The following LSAMP variants were observed in gnomAD, a reference collection of about 807,000 sequenced individuals.
The protein encoded by LSAMP is limbic system-associated membrane protein.
Under a neutral mutation model 38.6 loss-of-function variants are expected in LSAMP, and 7 were observed. The ratio of observed to expected loss-of-function variants is 0.18; its 90% CI spans 0.10 to 0.34. The LOEUF is 0.34. Among genes scored for constraint, LSAMP ranks in the 10% least tolerant of loss-of-function variants. The pLI is 1.00. For synonymous variants in LSAMP, 154 were observed against 166.8 expected (o/e 0.92, Z 0.59); for missense variants, 313 against 420.0 (o/e 0.75, Z 2.23).
chr3:116,202,146 T>C (rs1464624988), intron 1 of LSAMP, among the ~76,000 whole-genome samples: 1 of 151,886 alleles, frequency 6.6e-6, no homozygotes, highest in South Asian at 2.1e-4. Context: ...TTCTTTTCTT[T>C]TTTTTTTTAG....
At chr3:115,849,061 G>C (rs1188984426) in intron 4 of LSAMP, among the ~76,000 whole-genome samples, 1 of 152,178 alleles carries the variant, frequency 6.6e-6, no homozygotes, top group Non-Finnish European at 1.5e-5. Flanking sequence ...TGCAATGAAA[G>C]AACAGAGTGT....
At chr3:115,879,077 C>G (rs1559864048) in intron 3 of LSAMP, among the ~76,000 whole-genome samples, 1 of 152,198 alleles carries the variant, frequency 6.6e-6, no homozygotes, top group East Asian at 1.9e-4. Context: ...CACTCTCATG[C>G]CTTTGGGGCT....
At chr3:116,047,392 AAAAC>A (rs1208421909) in intron 2 of LSAMP, among the ~76,000 whole-genome samples, 40 of 145,902 alleles carry the variant, frequency 2.7e-4, no homozygotes, top group East Asian at 1.2e-3. Flanking sequence ...AAAAAAAAAC[AAAAC>A]AAACAAAAAA....
intron 2 of LSAMP, among the ~76,000 whole-genome samples, chr3:116,072,929 G>T (rs1346793313): frequency 4.6e-5 from 7 of 151,986 alleles, no homozygotes; most frequent in African/African-American, 1.7e-4. Context: ...ATTTGTCAAT[G>T]CTTGCTCTTG....
At chr3:116,012,866 T>G (rs1940370764) in intron 3 of LSAMP, among the ~76,000 whole-genome samples, 1 of 152,222 alleles carries the variant, frequency 6.6e-6, no homozygotes, top group South Asian at 2.1e-4. Context: ...TACGTATTAT[T>G]TTAATTTTCA....
intron 3 of LSAMP, among the ~76,000 whole-genome samples, chr3:115,937,264 G>C (rs1193335705): frequency 6.6e-6 from 1 of 152,046 alleles, no homozygotes; most frequent in Admixed American, 6.6e-5. Flanking sequence ...AGAATTTCAG[G>C]CACAATGAAT....
chr3:116,194,391 T>TTGTC (rs1400683745), intron 1 of LSAMP, among the ~76,000 whole-genome samples: 1 of 151,872 alleles, frequency 6.6e-6, no homozygotes, highest in Non-Finnish European at 1.5e-5. Flanking sequence ...GTTTGTTTGT[T>TTGTC]TGTTTGTTTG....
Position 116,065,836 on chromosome 3 carries a change from C to T in LSAMP, c.388+20488G>A, listed in dbSNP as rs558956421. ...AAAATAACTTGTGGAATCCAACAGA[C>T]CTGAGCTCAAATCATGACACTGGCA... On this transcript the variant is annotated intron_variant, in intron 2 of 6. Transcript: ENST00000490035. 5.4e-4 allele frequency among the ~76,000 whole-genome samples: 82 copies of T among 152,284 alleles called. 1 individual carries two copies. The South Asian group carries it at 0.016, about 29-fold the overall frequency.
chr3:116,190,558 T>A (rs1188716454), intron 1 of LSAMP, among the ~76,000 whole-genome samples: 2 of 152,204 alleles, frequency 1.3e-5, no homozygotes, highest in Non-Finnish European at 2.9e-5. Context: ...GCCTATTCAC[T>A]TTTTTACAAC....
intron 1 of LSAMP, among the ~76,000 whole-genome samples, chr3:116,269,869 A>G (rs1245282171): frequency 6.6e-6 from 1 of 152,152 alleles, no homozygotes; most frequent in East Asian, 1.9e-4. Flanking sequence ...CTGCCCAAAC[A>G]TTGTATAAGC....
chr3:116,043,099 A>C (rs1369513393), intron 2 of LSAMP, among the ~76,000 whole-genome samples: 1 of 152,316 alleles, frequency 6.6e-6, no homozygotes, highest in East Asian at 1.9e-4. Flanking sequence ...GGAAACGAGT[A>C]GTATTCACTC....
chr3:115,815,882 C>T (rs971594784), intron 6 of LSAMP, among the ~76,000 whole-genome samples: 1 of 152,124 alleles, frequency 6.6e-6, no homozygotes, highest in Non-Finnish European at 1.5e-5. Context: ...GCCATAAATA[C>T]GGTGCTGGCC....
chr3:116,314,525 C>T (rs1185711570), intron 1 of LSAMP, among the ~76,000 whole-genome samples: 1 of 152,168 alleles, frequency 6.6e-6, no homozygotes, highest in Non-Finnish European at 1.5e-5. Context: ...TAGCATCCCC[C>T]ATCCTGTAAA....
intron 1 of LSAMP, among the ~76,000 whole-genome samples, chr3:116,374,870 C>T (rs1173408337): frequency 2.0e-5 from 3 of 151,852 alleles, no homozygotes; most frequent in African/African-American, 7.2e-5. Context: ...TTGCTACCAA[C>T]AGAGATTCTG....
chr3:116,097,092 T>C (rs1385515358), intron 1 of LSAMP, among the ~76,000 whole-genome samples: 3 of 152,234 alleles, frequency 2.0e-5, no homozygotes, highest in Non-Finnish European at 2.9e-5. Context: ...CTTGGAATTC[T>C]GGCTCAGATT....
chr3:116,173,787 T>TC (rs1710267212), intron 1 of LSAMP, among the ~76,000 whole-genome samples: 1 of 11,738 alleles, frequency 8.5e-5, no homozygotes, highest in African/African-American at 2.8e-4. Context: ...AACATTTTTT[T>TC]TTTTTTTTTT....
intron 3 of LSAMP, among the ~76,000 whole-genome samples, chr3:115,967,520 A>G (rs1938858085): frequency 6.6e-6 from 1 of 152,094 alleles, no homozygotes; most frequent in South Asian, 2.1e-4. Context: ...TCGCTTCCAC[A>G]TTTCCATTTA....
chr3:115,899,016 A>C (rs926215130), intron 3 of LSAMP, among the ~76,000 whole-genome samples: 70 of 152,254 alleles, frequency 4.6e-4, no homozygotes, highest in African/African-American at 1.5e-3. Flanking sequence ...CAGTATAAAT[A>C]TAGTCAAATC....
intron 2 of LSAMP, among the ~76,000 whole-genome samples, chr3:116,038,224 A>G (rs1941090077): frequency 6.6e-6 from 1 of 152,186 alleles, no homozygotes; most frequent in Non-Finnish European, 1.5e-5. Flanking sequence ...AAATTAACTT[A>G]TAGGCCTTTA....
Sources: allele counts gnomAD v4.1 joint callset (sites outside exome capture counted in the v4.1 genomes callset), GRCh38; gene constraint gnomAD v4.1.1; transcripts MANE v1.5; gene names NCBI Gene and HGNC (gene_info 2026-07-23, HGNC 2026-07-21).